Variants in DRAM2 observed in about 807,000 individuals in gnomAD.
The protein encoded by DRAM2 is DNA damage-regulated autophagy modulator protein 2.
DRAM2 carries 26 observed loss-of-function variants against 33.5 expected under a neutral mutation model. The ratio of observed to expected loss-of-function variants is 0.78; its 90% CI spans 0.57 to 1.08. The LOEUF is 1.08. Among genes scored for constraint, DRAM2 ranks in the 50% least tolerant of loss-of-function variants. The pLI is 0.00. For missense variants in DRAM2, 311 were observed against 318.1 expected, an observed-to-expected ratio of 0.98 and a Z score of 0.17; for synonymous variants, 98 against 109.5, an observed-to-expected ratio of 0.89 and a Z score of 0.66.
rs1343677033 is a variant in DRAM2, at chr1:111,124,842, G to A, written c.239C>T (p.Ala80Val). ...TIYVRYKQVH[A>V]LSPEENVIIK... Reference sequence around the variant, plus strand: ...GATAACGTTCTCTTCAGGACTCAGAGCATGAACTTGCTTATAACGAACATA... The same window carrying A: ...GATAACGTTCTCTTCAGGACTCAGAACATGAACTTGCTTATAACGAACATA... Residue 80 changes from alanine (A) to valine (V), a missense_variant, in exon 6 of 10, where the codon GCT (alanine) becomes GTT (valine). Ala to Val is a moderately conservative substitution (Grantham distance 64). Transcript: ENST00000484310. 3 of 1,613,194 alleles carry A rather than the reference G, an allele frequency of 1.9e-6. No homozygotes were observed. In the South Asian group the frequency reaches 3.3e-5, roughly 18 times the overall value.
chr1:111,124,769 T>G lies in DRAM2; in HGVS notation c.312A>C (p.Leu104Phe). 6 of 1,613,504 alleles carry G rather than the reference T, an allele frequency of 3.7e-6. No individual in the cohort carries two copies. The highest frequency in any genetic ancestry group is 5.1e-6 in the Non-Finnish European group (6 of 1,179,656). The change falls in exon 6 of 10, where the codon TTA becomes TTC. Residue 104 changes from leucine to phenylalanine, a missense_variant. By Grantham distance (22) the Leu-to-Phe change is conservative (BLOSUM62 0). Coordinates refer to ENST00000484310, the MANE Select transcript of DRAM2 (RefSeq NM_001349884.2). ...GGAAGTTTGCCACAATAGAAAGTCC[T>G]AAACAACTCAGTATTCCAAGTACAA... The part of the protein sequence containing the change: ...AGLVLGILSC[L>F]GLSIVANFQK...
intron 8 of DRAM2, chr1:111,119,509 T>C (rs763900425): frequency 3.1e-5 from 6 of 194,044 alleles, no homozygotes; most frequent in Admixed American, 5.6e-5. Context: ...GAGTCCATAA[T>C]CAATTTCCAG....
At chr1:111,131,856 T>C (rs1652161520) in intron 3 of DRAM2, among the ~76,000 whole-genome samples, 2 of 152,198 alleles carry the variant, frequency 1.3e-5, no homozygotes, top group Admixed American at 1.3e-4. Flanking sequence ...CTACCCTTTT[T>C]CTCCATCTTC....
chr1:111,120,381 C>CAAAAAAAAAAAAAAAAAAAAAAAA (rs200318036), intron 7 of DRAM2, 135 bp downstream of exon 7: 1 of 169,110 alleles, frequency 5.9e-6, no homozygotes, highest in African/African-American at 4.3e-5. Context: ...ATCTCTCCTA[C>CAAAAAAAAAAAAAAAAAAAAAAAA]AAAAAAAAAA....
intron 8 of DRAM2, 45 bp downstream of exon 8, chr1:111,119,832 A>C: frequency 7.0e-7 from 1 of 1,434,386 alleles, no homozygotes; most frequent in Non-Finnish European, 9.8e-7. Context: ...AATCAAAATA[A>C]CCATCTTTAA....
chr1:111,126,036 T>G (rs1650942203), intron 5 of DRAM2, among the ~76,000 whole-genome samples, 191 bp downstream of exon 5: 2 of 152,082 alleles, frequency 1.3e-5, no homozygotes, highest in South Asian at 4.1e-4. Flanking sequence ...TTTTAAAGGT[T>G]TATTCCCATA....
chr1:111,117,592 G>A lies in DRAM2; in HGVS notation c.*568C>T, dbSNP rs1191883305. ...AAAATCGTTACCTACAAAATCTCTT[G>A]GGCAACACTTAAGCCATGGAAGAGC... is the stretch of plus-strand genomic sequence containing the variant. On this transcript the variant is annotated 3_prime_UTR_variant, in exon 10 of 10. Coordinates refer to ENST00000484310, the MANE Select transcript of DRAM2 (RefSeq NM_001349884.2). 6.5e-6 allele frequency: 1 copy of A among 152,750 alleles called. No individual in the cohort carries two copies. The highest frequency in any genetic ancestry group is 2.4e-5 in the African/African-American group (1 of 41,358). 9.5% of individuals were successfully genotyped at this position (152,750 alleles called of 1,614,324 possible). A position where few individuals can be genotyped will look rare whatever the true frequency, so the allele number is the denominator to read the frequency against.
intron 3 of DRAM2, among the ~76,000 whole-genome samples, chr1:111,134,815 T>C (rs1382843921): frequency 2.0e-5 from 3 of 152,004 alleles, no homozygotes; most frequent in Non-Finnish European, 4.4e-5. Context: ...GGGAGTATTT[T>C]AAAAGGCTTA....
chr1:111,132,604 T>G (rs1373441701), intron 3 of DRAM2, among the ~76,000 whole-genome samples: 4 of 152,172 alleles, frequency 2.6e-5, no homozygotes, highest in African/African-American at 4.8e-5. Flanking sequence ...ATCTCCATAC[T>G]TCTTGATGAT....
chr1:111,127,429 CCTT>C (rs1305369494), intron 4 of DRAM2, among the ~76,000 whole-genome samples: 1 of 151,468 alleles, frequency 6.6e-6, no homozygotes, highest in African/African-American at 2.4e-5. Context: ...AAGGATTGCT[CCTT>C]CTAACTTTCC....
At chr1:111,128,168 G>A (rs946088074) in intron 4 of DRAM2, 4 of 125,036 alleles carry the variant, frequency 3.2e-5, no homozygotes, top group Non-Finnish European at 4.7e-5. Flanking sequence ...ACAGAGTCTC[G>A]CTCTGTTGCC....
chr1:111,122,683 A>G (rs982142535), intron 6 of DRAM2: 3 of 126,192 alleles, frequency 2.4e-5, no homozygotes, highest in Non-Finnish European at 3.5e-5. Flanking sequence ...AGCAGTGGGT[A>G]AAAAAAAAAA....
chr1:111,129,236 A>G (rs766011359), intron 4 of DRAM2, among the ~76,000 whole-genome samples: 40 of 152,226 alleles, frequency 2.6e-4, no homozygotes, highest in Admixed American at 2.6e-4. Flanking sequence ...AAATGAATAA[A>G]TGAAACAACC....
At position 111,126,236 on chromosome 1, in the gene DRAM2, C is replaced by A. The variant is rs1444263060; in HGVS notation, c.190G>T (p.Ala64Ser). Reference sequence around the variant, plus strand: ...CACTTTCATTACTTACATAAAACTGCCGCAATATTTAGCATTGCCCCAAAT... The same window carrying A: ...CACTTTCATTACTTACATAAAACTGACGCAATATTTAGCATTGCCCCAAAT... The part of the protein sequence containing the change: ...CLFGAMLNIA[A>S]VLCIATIYVR... Residue 64 changes from alanine (A) to serine (S), a missense_variant, in exon 5 of 10, where the codon GCA becomes TCA. Coordinates refer to ENST00000484310, the MANE Select transcript of DRAM2 (RefSeq NM_001349884.2). The A allele has an allele frequency of 3.1e-6, 5 of 1,608,366 alleles. 1 individual carries two copies. In the South Asian group the frequency reaches 5.5e-5, roughly 18 times the overall value.
intron 3 of DRAM2, among the ~76,000 whole-genome samples, chr1:111,133,510 G>A (rs1286623068): frequency 3.3e-5 from 5 of 151,954 alleles, no homozygotes; most frequent in Non-Finnish European, 7.4e-5. Flanking sequence ...TTCACCTCTG[G>A]GCCATGCTTG....
rs978375494 is a variant in DRAM2 at position 111,119,852 on chromosome 1, A to C, written c.600+25T>G. The C allele has an allele frequency of 3.8e-6, 6 of 1,573,484 alleles. No individual in the cohort carries two copies. The Admixed American group carries it at 8.6e-5, about 22-fold the overall frequency. On this transcript the variant is annotated intron_variant, in intron 8 of 9. Transcript: ENST00000484310. ...AAATAACCATCTTTAATATAAAACT[A>C]AGTTTATAGACTGTAAGTTCTTACT...
intron 2 of DRAM2, among the ~76,000 whole-genome samples, chr1:111,139,288 T>C (rs1201006593): frequency 6.6e-6 from 1 of 152,270 alleles, no homozygotes; most frequent in Non-Finnish European, 1.5e-5. Flanking sequence ...TACAGTGTTT[T>C]GTGTTTTTCA....
At chr1:111,131,605 C>T (rs1231689477) in intron 3 of DRAM2, 37 bp from the exon 4 acceptor site, 3 of 1,605,560 alleles carry the variant, frequency 1.9e-6, no homozygotes, top group Middle Eastern at 1.7e-4. Flanking sequence ...AGATAATTCA[C>T]AAGAGTTTCC....
Position 111,124,858 on chromosome 1 carries a change from A to T in DRAM2, c.223T>A (p.Tyr75Asn). 6 of 1,612,796 alleles carry T rather than the reference A, an allele frequency of 3.7e-6. No homozygotes were observed. The highest frequency in any genetic ancestry group is 5.1e-6 in the Non-Finnish European group (6 of 1,179,476). Residue 75 changes from tyrosine (Y) to asparagine (N), a missense_variant, in exon 6 of 10, where the codon TAT becomes AAT. Transcript: ENST00000484310. ...VLCIATIYVRYKQVHALSPEE... is the reference protein window; with the variant it reads ...VLCIATIYVRNKQVHALSPEE... ...GGACTCAGAGCATGAACTTGCTTATAACGAACATAAATGGTAGCAATGCCT... is the reference window on the plus strand; with the variant it reads ...GGACTCAGAGCATGAACTTGCTTATTACGAACATAAATGGTAGCAATGCCT...
Sources: allele counts gnomAD v4.1 joint callset (sites outside exome capture counted in the v4.1 genomes callset), GRCh38; gene constraint gnomAD v4.1.1; transcripts MANE v1.5; gene names NCBI Gene and HGNC (gene_info 2026-07-23, HGNC 2026-07-21).